BRD2: variants seen among roughly 807,000 people sequenced by gnomAD.
BRD2 encodes the protein bromodomain-containing protein 2.
In BRD2, 15 loss-of-function variants were observed where a neutral mutation model predicts 79.1. The observed-to-expected ratio is 0.19, with a 90% CI of 0.13 to 0.29. The LOEUF (loss-of-function observed/expected upper bound fraction) is 0.29, where lower values mean the gene tolerates loss of function less well. Ranked by LOEUF, BRD2 falls within the 10% of genes least tolerant of loss-of-function variation. The probability of loss-of-function intolerance (pLI) is 1.00; values close to 1 mark genes in which losing one functional copy is unlikely to be tolerated. For synonymous variants in BRD2, 488 were observed against 358.6 expected (o/e 1.36, Z -4.08); for missense variants, 1,053 against 991.3 (o/e 1.06, Z -0.84).
rs905779792 is a variant in BRD2 at position 32,980,925 on chromosome 6, C to G, written c.*207C>G. On this transcript the variant is annotated 3_prime_UTR_variant, in exon 13 of 13. Transcript: ENST00000374825. ...GGACAAAACAACATTGAATTCCCAG[C>G]CCCATTGGGGAGTGATCTCTTGGAC... The G allele has an allele frequency of 4.8e-6, 3 of 624,944 alleles. No homozygotes were observed. The highest frequency in any genetic ancestry group is 8.2e-6 in the Non-Finnish European group (3 of 363,794). The allele number at this position is 624,944 out of a possible 1,614,324, so 38.7% of individuals were successfully genotyped here. A position where few individuals can be genotyped will look rare whatever the true frequency, so the allele number is the denominator to read the frequency against.
At chr6:32,969,130 T>G in intron 1 of BRD2, 74 bp downstream of exon 1, 5 of 526,546 alleles carry the variant, frequency 9.5e-6, no homozygotes, top group East Asian at 3.0e-5. Context: ...GGGAGGGGGA[T>G]TCTTGGGGTT....
In BRD2 at chr6:32,979,948, C is replaced by A. The variant is rs1039037675; in HGVS notation, c.1962C>A (p.Ile654=). The change falls in exon 11 of 13, where the codon ATC becomes ATA. Residue 654 remains isoleucine, a synonymous_variant. Transcript: ENST00000374825. ...AGAAGCGGCAGCTGAGCCTGGACAT[C>A]AACAAATTACCTGGGGAGAAGCTGG... is the stretch of plus-strand genomic sequence containing the variant. ...YDEKRQLSLD[I]NKLPGEKLGR... The A allele has an allele frequency of 6.2e-6, 10 of 1,613,054 alleles. No individual in the cohort carries two copies. The highest frequency in any genetic ancestry group is 2.2e-5 in the East Asian group (1 of 44,894).
chr6:32,972,769 T>G lies in BRD2; in HGVS notation c.-130T>G. The stretch of plus-strand genomic sequence containing the variant: ...TTTCGTGCCGGCCAGGCAGGGGGTT[T>G]GTCGCCTGGAGGCCCAAGAGGAACG... On this transcript the variant is annotated 5_prime_UTR_variant, in exon 2 of 13. Transcript: ENST00000374825. 1 of 1,396,920 alleles carries G rather than the reference T, an allele frequency of 7.2e-7. No individual in the cohort carries two copies. Among genetic ancestry groups the G allele is most frequent in the Non-Finnish European group, 1.0e-6 (1 of 998,910 alleles). 86.5% of individuals were successfully genotyped at this position (1,396,920 alleles called of 1,614,324 possible).
intron 10 of BRD2, chr6:32,978,851 G>A (rs996009137): frequency 4.7e-5 from 8 of 170,876 alleles, no homozygotes; most frequent in Non-Finnish European, 9.9e-5. Context: ...CAGCTACTCT[G>A]ACAGTGAACT....
chr6:32,975,332 C>T (rs1778594466), intron 3 of BRD2, 52 bp from the exon 4 acceptor site: 3 of 1,459,134 alleles, frequency 2.1e-6, no homozygotes, highest in Admixed American at 3.8e-5. Flanking sequence ...TCGGTAGTCT[C>T]CCTATAAGCA....
At position 32,971,766 on chromosome 6, in the gene BRD2, G is replaced by A. The variant is rs1229756201; in HGVS notation, c.-1133G>A. ...ACCTGCTCGAGCTTGGCAGTCTCCA[G>A]TTGGGCTGTGCATGGAAGCTTGGGA... On this transcript the variant is annotated 5_prime_UTR_variant, in exon 2 of 13. Coordinates refer to ENST00000374825, the MANE Select transcript of BRD2 (RefSeq NM_005104.4). The A allele has an allele frequency of 1.7e-6, 1 of 605,162 alleles. No homozygotes were observed. The highest frequency in any genetic ancestry group is 2.9e-5 in the East Asian group (1 of 34,954). The allele number at this position is 605,162 out of a possible 1,614,324, so 37.5% of individuals were successfully genotyped here.
chr6:32,978,016 ACT>A lies in BRD2; in HGVS notation c.1578+14_1578+15del. On this transcript the variant is annotated intron_variant, in intron 9 of 12. Transcript: ENST00000374825. ...GAACTACAGGAACAGGTATTTTGTC[ACT>A]CTTGAAAGTTTTTATTGGGTAAGAG... The A allele has an allele frequency of 6.2e-7, 1 of 1,607,224 alleles. No homozygotes were observed. Among genetic ancestry groups the A allele is most frequent in the South Asian group, 1.1e-5 (1 of 90,994 alleles).
At position 32,976,943 on chromosome 6, in the gene BRD2, A is replaced by C. The variant is rs764787022; in HGVS notation, c.1200+7A>C. The stretch of plus-strand genomic sequence containing the variant: ...GGACCTCAGCACTGTCAAGGTACCC[A>C]CTGCATGGGGCAGATGGGATGCTCA... On this transcript the variant is annotated splice_region_variant and intron_variant, in intron 7 of 12. Transcript: ENST00000374825. 1 of 1,603,668 alleles carries C rather than the reference A, an allele frequency of 6.2e-7. No homozygotes were observed. The highest frequency in any genetic ancestry group is 1.7e-5 in the Admixed American group (1 of 59,548).
At chr6:32,978,634 C>A (rs1234982661) in intron 10 of BRD2, 5 of 618,560 alleles carry the variant, frequency 8.1e-6, no homozygotes, top group Non-Finnish European at 1.4e-5. Flanking sequence ...CCATTGGATT[C>A]CCATAAGGAG....
chr6:32,976,200 A>C (rs756158278), intron 5 of BRD2, 31 bp downstream of exon 5: 3 of 1,570,910 alleles, frequency 1.9e-6, no homozygotes, highest in Non-Finnish European at 2.6e-6. Context: ...GCAAATGGAC[A>C]ACTAAAGATG....
chr6:32,980,268 C>T, intron 11 of BRD2, 74 bp from the exon 12 acceptor site: 3 of 1,589,038 alleles, frequency 1.9e-6, no homozygotes, highest in Non-Finnish European at 2.6e-6. Context: ...AAGAAGGGAA[C>T]TTGGGAACCT....
chr6:32,979,918 C>T lies in BRD2; in HGVS notation c.1932C>T (p.Tyr644=), dbSNP rs760224677. The change falls in exon 11 of 13, where the codon TAC becomes TAT. Residue 644 remains tyrosine, a synonymous_variant. Transcript: ENST00000374825. ...EEEEESRPMS[Y]DEKRQLSLDI... Reference sequence around the variant, plus strand: ...AGGAAGAGAGCAGGCCCATGAGTTACGATGAGAAGCGGCAGCTGAGCCTGG... The same window carrying T: ...AGGAAGAGAGCAGGCCCATGAGTTATGATGAGAAGCGGCAGCTGAGCCTGG... 16 of 1,613,170 alleles carry T rather than the reference C, an allele frequency of 9.9e-6. No homozygotes were observed. Among genetic ancestry groups the T allele is most frequent in the Admixed American group, 1.7e-5 (1 of 60,026 alleles).
intron 8 of BRD2, 36 bp from the exon 9 acceptor site, chr6:32,977,721 T>C (rs769029910): frequency 1.6e-5 from 26 of 1,611,868 alleles, no homozygotes; most frequent in Non-Finnish European, 2.2e-5. Flanking sequence ...AGGGCACTGT[T>C]TATCAGCATA....
Position 32,975,449 on chromosome 6 carries a change from T to C in BRD2, c.399T>C (p.Asn133=), listed in dbSNP as rs768352669. ...CTATTAAGAGGAGACTTGAAAACAA[T>C]TATTATTGGGCTGCTTCAGAGTGTA... is the stretch of plus-strand genomic sequence containing the variant. The part of the protein sequence containing the change: ...MGTIKRRLEN[N]YYWAASECMQ... The change falls in exon 4 of 13, where the codon AAT becomes AAC. Residue 133 remains asparagine, a synonymous_variant. Coordinates refer to ENST00000374825, the MANE Select transcript of BRD2 (RefSeq NM_005104.4). The C allele has an allele frequency of 6.2e-7, 1 of 1,612,358 alleles. No homozygotes were observed. Among genetic ancestry groups the C allele is most frequent in the Non-Finnish European group, 8.5e-7 (1 of 1,179,512 alleles).
intron 1 of BRD2, 71 bp from the exon 2 acceptor site, chr6:32,971,524 G>A (rs777451713): frequency 4.8e-4 from 210 of 433,758 alleles, no homozygotes; most frequent in Admixed American, 5.1e-4. Context: ...TCGCCGTTCT[G>A]AAGCCCGTAG....
At chr6:32,978,086 CTTTA>C (rs2066745) in intron 9 of BRD2, 36 bp from the exon 10 acceptor site, 108,768 of 1,590,350 alleles carry the variant, frequency 0.068, 4,607 homozygotes, top group Non-Finnish European at 0.084. Flanking sequence ...GTTATTTTAT[CTTTA>C]TTTACTTTTT....
In BRD2 at chr6:32,975,446, C is replaced by T. The variant is rs9378166; in HGVS notation, c.396C>T (p.Asn132=). 3.3e-5 allele frequency: 54 copies of T among 1,612,158 alleles called. No homozygotes were observed. The East Asian group carries it at 1.0e-3, about 30-fold the overall frequency. The part of the protein sequence containing the change: ...DMGTIKRRLE[N]NYYWAASECM... The stretch of plus-strand genomic sequence containing the variant: ...GTACTATTAAGAGGAGACTTGAAAA[C>T]AATTATTATTGGGCTGCTTCAGAGT... Residue 132 remains asparagine, a synonymous_variant, in exon 4 of 13, where the codon AAC becomes AAT. Coordinates refer to ENST00000374825, the MANE Select transcript of BRD2 (RefSeq NM_005104.4).
chr6:32,976,073 A>G lies in BRD2; in HGVS notation c.514A>G (p.Ile172Val). 2 of 1,612,772 alleles carry G rather than the reference A, an allele frequency of 1.2e-6. No homozygotes were observed. Among genetic ancestry groups the G allele is most frequent in the Non-Finnish European group, 1.7e-6 (2 of 1,179,922 alleles). ...CCTAATGGCACAAACGCTGGAAAAG[A>G]TATTCCTACAGAAGGTTGCATCAAT... ...IVLMAQTLEKIFLQKVASMPQ... is the reference protein window; with the variant it reads ...IVLMAQTLEKVFLQKVASMPQ... The change falls in exon 5 of 13, where the codon ATA becomes GTA. Residue 172 changes from isoleucine to valine, a missense_variant. Ile to Val is a conservative substitution (Grantham distance 29). Coordinates refer to ENST00000374825, the MANE Select transcript of BRD2 (RefSeq NM_005104.4).
In BRD2 at chr6:32,972,930, AC is replaced by A; in HGVS notation, c.29+4del. 1.2e-6 allele frequency: 2 copies of A among 1,614,014 alleles called. No individual in the cohort carries two copies. The highest frequency in any genetic ancestry group is 1.7e-6 in the Non-Finnish European group (2 of 1,179,950). ...CAAAACGTGACTCCCCACAATAAGT[AC>A]GTTTCCGCGAGCCGCGTGTGGGAAG... On this transcript the variant is annotated splice_donor_region_variant and intron_variant, in intron 2 of 12. Coordinates refer to ENST00000374825, the MANE Select transcript of BRD2 (RefSeq NM_005104.4).
Sources: gnomAD v4.1 joint callset for allele counts on GRCh38, gnomAD v4.1.1 for gene constraint, MANE v1.5 for transcripts, NCBI Gene and HGNC (gene_info 2026-07-23, HGNC 2026-07-21) for gene names.